The following CSMD1 variants were observed in gnomAD, a reference collection of about 807,000 sequenced individuals.
CSMD1 encodes the protein CUB and Sushi multiple domains 1, also known as CUB and sushi domain-containing protein 1.
Under a neutral mutation model 417.5 loss-of-function variants are expected in CSMD1, and 213 were observed. The ratio of observed to expected loss-of-function variants is 0.51; its 90% confidence interval spans 0.46 to 0.57. The LOEUF (loss-of-function observed/expected upper bound fraction) is 0.57, where lower values mean the gene tolerates loss of function less well. CSMD1 is among the 20% of genes least tolerant of loss of function. CSMD1 has a pLI of 0.00. For synonymous variants in CSMD1, 2,862 were observed against 1,736.8 expected, an observed-to-expected ratio of 1.65 and a Z score of -16.11; for missense variants, 6,923 against 4,529.7, an observed-to-expected ratio of 1.53 and a Z score of -15.17.
chr8:2,951,750 T>G (rs1391355955), intron 65 of CSMD1, among the ~76,000 whole-genome samples: 1 of 152,178 alleles, frequency 6.6e-6, no homozygotes, highest in Non-Finnish European at 1.5e-5. Context: ...TCGAAAAAGC[T>G]TACATATCCC....
chr8:3,055,834 T>C (rs1406302208), intron 49 of CSMD1, among the ~76,000 whole-genome samples: 1 of 152,224 alleles, frequency 6.6e-6, no homozygotes, highest in Non-Finnish European at 1.5e-5. Flanking sequence ...GTTCTTGCTG[T>C]ACCTCTCAAT....
intron 1 of CSMD1, among the ~76,000 whole-genome samples, chr8:4,786,620 G>C (rs1025398248): frequency 6.6e-6 from 1 of 152,210 alleles, no homozygotes; most frequent in Non-Finnish European, 1.5e-5. Context: ...GATGATGCTT[G>C]AATCTCTCTC....
At chr8:4,527,007 A>G (rs1207054188) in intron 2 of CSMD1, among the ~76,000 whole-genome samples, 2 of 152,198 alleles carry the variant, frequency 1.3e-5, no homozygotes, top group African/African-American at 4.8e-5. Flanking sequence ...CAAAGTCTTT[A>G]TAGAGCTATT....
chr8:3,178,675 A>C (rs12545100), intron 37 of CSMD1, among the ~76,000 whole-genome samples: 6,878 of 152,268 alleles, frequency 0.045, 162 homozygotes, highest in East Asian at 0.1. Context: ...TTTAAGGACA[A>C]ATAAGTAACA....
In CSMD1 at chr8:3,029,330, G is replaced by A. The variant is rs1810174743; in HGVS notation, c.7844C>T (p.Pro2615Leu). The A allele has an allele frequency of 1.2e-6, 2 of 1,604,870 alleles. No individual in the cohort carries two copies. The highest frequency in any genetic ancestry group is 1.7e-6 in the Non-Finnish European group (2 of 1,176,514). Residue 2615 changes from proline (P) to leucine (L), a missense_variant, in exon 51 of 70, where the codon CCA (proline) becomes CTA (leucine). By Grantham distance (98) the Pro-to-Leu change is moderately conservative. Coordinates refer to ENST00000635120, the MANE Select transcript of CSMD1 (RefSeq NM_033225.6). ...NGTWNIGDER[P>L]SCRVISCGSL... ...CCCTCATCACTTACCTCGACAGCTT[G>A]GCCTCTCATCTCCTATGTTCCACGT...
chr8:3,728,930 A>G (rs553780064), intron 6 of CSMD1, among the ~76,000 whole-genome samples: 19 of 152,276 alleles, frequency 1.2e-4, no homozygotes, highest in Middle Eastern at 3.4e-3. Context: ...TAAATCAATA[A>G]TCCCAAAATA....
intron 3 of CSMD1, among the ~76,000 whole-genome samples, chr8:4,219,250 G>T (rs759445128): frequency 2.0e-5 from 3 of 152,084 alleles, no homozygotes; most frequent in Non-Finnish European, 4.4e-5. Flanking sequence ...GCTAAATATA[G>T]TTACCACTTT....
At chr8:4,229,508 A>T (rs958773698) in intron 3 of CSMD1, among the ~76,000 whole-genome samples, 1 of 152,184 alleles carries the variant, frequency 6.6e-6, no homozygotes, top group Admixed American at 6.5e-5. Flanking sequence ...TCTTCATATA[A>T]TTCTACTGTA....
At chr8:4,104,601 G>A (rs544985572) in intron 3 of CSMD1, among the ~76,000 whole-genome samples, 3 of 151,940 alleles carry the variant, frequency 2.0e-5, no homozygotes, top group South Asian at 2.1e-4. Context: ...GCATGAGAAC[G>A]GTCTGAATTA....
At chr8:3,556,524 AC>A (rs1563150152) in intron 10 of CSMD1, among the ~76,000 whole-genome samples, 3 of 137,314 alleles carry the variant, frequency 2.2e-5, no homozygotes, top group African/African-American at 9.3e-5. Flanking sequence ...ACGCACACAC[AC>A]ACACACACAC....
intron 3 of CSMD1, among the ~76,000 whole-genome samples, chr8:4,050,137 G>A (rs969144782): frequency 3.3e-5 from 5 of 152,114 alleles, no homozygotes; most frequent in African/African-American, 4.8e-5. Flanking sequence ...AACACTTCTC[G>A]TCGCAGCATG....
chr8:4,829,266 G>C (rs1800004620), intron 1 of CSMD1, among the ~76,000 whole-genome samples: 1 of 152,036 alleles, frequency 6.6e-6, no homozygotes, highest in African/African-American at 2.4e-5. Context: ...TTTTCAGTTA[G>C]AGTTTGACAA....
At chr8:3,878,617 T>C (rs1392625978) in intron 5 of CSMD1, among the ~76,000 whole-genome samples, 5 of 152,246 alleles carry the variant, frequency 3.3e-5, no homozygotes, top group Admixed American at 1.3e-4. Context: ...GTAAGATCTA[T>C]CTCTGTTTAT....
At chr8:3,223,375 A>G (rs531101492) in intron 28 of CSMD1, among the ~76,000 whole-genome samples, 4 of 152,200 alleles carry the variant, frequency 2.6e-5, no homozygotes, top group Non-Finnish European at 5.9e-5. Flanking sequence ...GGAATTCACT[A>G]TCAGGCATTT....
chr8:4,207,476 C>T (rs916454292), intron 3 of CSMD1, among the ~76,000 whole-genome samples: 10 of 151,886 alleles, frequency 6.6e-5, no homozygotes, highest in African/African-American at 9.7e-5. Context: ...TTTAAATAGC[C>T]GATTAAAATG....
intron 1 of CSMD1, chr8:4,787,630 T>C: frequency 1.3e-6 from 2 of 1,581,092 alleles, no homozygotes; most frequent in Non-Finnish European, 8.7e-7. Flanking sequence ...TAGCAACTGG[T>C]TCTTTTCTCA....
chr8:2,984,263 G>A (rs1805665126), intron 54 of CSMD1, among the ~76,000 whole-genome samples: 1 of 152,206 alleles, frequency 6.6e-6, no homozygotes, highest in African/African-American at 2.4e-5. Flanking sequence ...GTGACTGGGA[G>A]CCGAGCAAAC....
rs115156593 is a variant in CSMD1, at chr8:4,699,557, G to T, written c.86-61999C>A. On this transcript the variant is annotated intron_variant, in intron 1 of 69. Transcript: ENST00000635120. ...TCTGTCTTATTAACTCTTCTGTGTG[G>T]ATCCTTTCTTTCTAATTTAACCAAT... Among the ~76,000 whole-genome samples, 585 of 152,268 alleles carry T rather than the reference G, an allele frequency of 3.8e-3. 1 individual carries two copies. The highest frequency in any genetic ancestry group is 0.014 in the African/African-American group (565 of 41,540).
rs1175289077 is a variant in CSMD1, at chr8:4,179,890, A to G, written c.416-147791T>C. ...AAACCACAATGAGATACCATCTCACACCAGTTAGAATGGCGATCATTAAAA... is the reference window on the plus strand; with the variant it reads ...AAACCACAATGAGATACCATCTCACGCCAGTTAGAATGGCGATCATTAAAA... On this transcript the variant is annotated intron_variant, in intron 3 of 69. Coordinates refer to ENST00000635120, the MANE Select transcript of CSMD1 (RefSeq NM_033225.6). Among the ~76,000 whole-genome samples the G allele has an allele frequency of 3.9e-5, 6 of 152,306 alleles. No homozygotes were observed. The South Asian group carries it at 1.0e-3, about 26-fold the overall frequency.
Sources: allele counts gnomAD v4.1 joint callset (sites outside exome capture counted in the v4.1 genomes callset), GRCh38; gene constraint gnomAD v4.1.1; transcripts MANE v1.5; gene names NCBI Gene and HGNC (gene_info 2026-07-23, HGNC 2026-07-21).